Variants in OSBP2 observed in about 807,000 individuals in gnomAD.
OSBP2 encodes oxysterol binding protein 2.
In OSBP2, 66 loss-of-function variants were observed where a neutral mutation model predicts 96.0. The observed-to-expected ratio is 0.69, with a 90% confidence interval of 0.56 to 0.84. OSBP2 has a LOEUF of 0.84. Ranked by LOEUF, OSBP2 falls within the 40% of genes least tolerant of loss-of-function variation. The pLI is 0.00. For missense variants in OSBP2, 1,038 were observed against 1,222.7 expected (o/e 0.85, Z 2.25); for synonymous variants, 525 against 520.9 (o/e 1.01, Z -0.11).
chr22:30,717,425 A>T (rs1228500529), intron 1 of OSBP2, among the ~76,000 whole-genome samples: 1 of 152,072 alleles, frequency 6.6e-6, no homozygotes, highest in African/African-American at 2.4e-5. Flanking sequence ...ACAGGGAAAA[A>T]ATCAAGGCCT....
At chr22:30,901,315 T>C (rs2040189068) in intron 12 of OSBP2, among the ~76,000 whole-genome samples, 1 of 152,098 alleles carries the variant, frequency 6.6e-6, no homozygotes. Flanking sequence ...GTGATCTGCC[T>C]GCCTCTGCCT....
At chr22:30,698,629 G>C (rs543480620) in intron 1 of OSBP2, among the ~76,000 whole-genome samples, 1 of 151,832 alleles carries the variant, frequency 6.6e-6, no homozygotes, top group Admixed American at 6.6e-5. Context: ...TAGTAGAGAC[G>C]GGGTTTCACC....
intron 2 of OSBP2, among the ~76,000 whole-genome samples, chr22:30,771,887 A>T (rs2090350754): frequency 6.6e-6 from 1 of 152,200 alleles, no homozygotes; most frequent in Admixed American, 6.6e-5. Flanking sequence ...GCTTGGAGCC[A>T]GCTCTCCTTC....
intron 2 of OSBP2, among the ~76,000 whole-genome samples, chr22:30,745,286 G>A (rs976910579): frequency 6.6e-6 from 1 of 151,962 alleles, no homozygotes; most frequent in African/African-American, 2.4e-5. Context: ...AATCTGAAAT[G>A]AAAAACCAAA....
intron 1 of OSBP2, among the ~76,000 whole-genome samples, chr22:30,696,973 A>G (rs1410313343): frequency 1.3e-5 from 2 of 152,046 alleles, no homozygotes; most frequent in East Asian, 1.9e-4. Context: ...TGTCTTACAA[A>G]TGAGGAGTTC....
In OSBP2 at chr22:30,730,756, CTCTCTCTCTCTCTCTCTCTATA is replaced by C. The variant is rs1352567090; in HGVS notation, c.645-10403_645-10382del. ...TCTCTCTCTCTCTCTCTCTCTCTCTCTCTCTCTCTCTCTCTCTCTATATATATATATATATATATATATATAT... is the reference window on the plus strand; with the variant it reads ...TCTCTCTCTCTCTCTCTCTCTCTCTCTATATATATATATATATATATATAT... On this transcript the variant is annotated intron_variant, in intron 1 of 13. Coordinates refer to ENST00000332585, the MANE Select transcript of OSBP2 (RefSeq NM_030758.4). 2.2e-4 allele frequency among the ~76,000 whole-genome samples: 10 copies of C among 44,896 alleles called. No homozygotes were observed. The South Asian group carries it at 4.4e-3, about 20-fold the overall frequency. 29.5% of individuals were successfully genotyped at this position (44,896 alleles called of 152,430 possible). A position where few individuals can be genotyped will look rare whatever the true frequency, so the allele number is the denominator to read the frequency against.
At position 30,701,422 on chromosome 22, in the gene OSBP2, CA is replaced by C. The variant is rs1423309610; in HGVS notation, c.644+5871del. The stretch of plus-strand genomic sequence containing the variant: ...GCAGTGACATGATCTCGACTCACTG[CA>C]AGCTCCGCCTCCCAGGTTCATGCTA... On this transcript the variant is annotated intron_variant, in intron 1 of 13. Transcript: ENST00000332585. 1.4e-4 allele frequency among the ~76,000 whole-genome samples: 21 copies of C among 148,438 alleles called. No homozygotes were observed. The South Asian group carries it at 4.4e-3, about 31-fold the overall frequency.
chr22:30,790,637 A>G (rs1375823198), intron 2 of OSBP2, among the ~76,000 whole-genome samples: 1 of 147,356 alleles, frequency 6.8e-6, no homozygotes, highest in Non-Finnish European at 1.5e-5. Flanking sequence ...ACCTGAAGAG[A>G]TATGTCAAAC....
intron 2 of OSBP2, among the ~76,000 whole-genome samples, chr22:30,855,779 G>T (rs185707673): frequency 6.6e-6 from 1 of 152,314 alleles, no homozygotes; most frequent in East Asian, 1.9e-4. Flanking sequence ...GGCCATTATT[G>T]AGTTAATCTG....
chr22:30,819,405 A>G (rs1202434679), intron 2 of OSBP2, among the ~76,000 whole-genome samples: 1 of 152,194 alleles, frequency 6.6e-6, no homozygotes, highest in East Asian at 1.9e-4. Context: ...GCATACGGTT[A>G]TATGAGGGAA....
In OSBP2 at chr22:30,694,895, G is replaced by T. The variant is rs1424944505; in HGVS notation, c.-15G>T. On this transcript the variant is annotated 5_prime_UTR_variant, in exon 1 of 14. Coordinates refer to ENST00000332585, the MANE Select transcript of OSBP2 (RefSeq NM_030758.4). ...CCCCACTGGCCGCTCGGCCGCGCGC[G>T]GGTCGGCCGGCTCTATGGGGAAAGC... 8 of 1,237,414 alleles carry T rather than the reference G, an allele frequency of 6.5e-6. No homozygotes were observed. The highest frequency in any genetic ancestry group is 4.2e-5 in the Admixed American group (1 of 23,698). 76.7% of individuals were successfully genotyped at this position (1,237,414 alleles called of 1,614,324 possible). A position where few individuals can be genotyped will look rare whatever the true frequency, so the allele number is the denominator to read the frequency against.
chr22:30,898,018 A>T (rs2040104484), intron 12 of OSBP2, among the ~76,000 whole-genome samples: 1 of 152,096 alleles, frequency 6.6e-6, no homozygotes, highest in Non-Finnish European at 1.5e-5. Flanking sequence ...CAAAGGAAAT[A>T]TATTGCCTTA....
At chr22:30,811,071 C>A (rs1209652883) in intron 2 of OSBP2, among the ~76,000 whole-genome samples, 1 of 152,036 alleles carries the variant, frequency 6.6e-6, no homozygotes, top group Non-Finnish European at 1.5e-5. Flanking sequence ...CCCCATCTCA[C>A]TCATCTCCCT....
chr22:30,885,673 G>A (rs1217869509), intron 3 of OSBP2, among the ~76,000 whole-genome samples: 1 of 152,230 alleles, frequency 6.6e-6, no homozygotes, highest in African/African-American at 2.4e-5. Context: ...GCCAGGGACT[G>A]GCCCAGGGTA....
chr22:30,818,073 G>T (rs915861922), intron 2 of OSBP2, among the ~76,000 whole-genome samples: 1 of 152,076 alleles, frequency 6.6e-6, no homozygotes, highest in Non-Finnish European at 1.5e-5. Flanking sequence ...TTTTTAAAAT[G>T]TTTTTACAAA....
intron 2 of OSBP2, among the ~76,000 whole-genome samples, chr22:30,815,316 C>T (rs1001863375): frequency 6.6e-5 from 10 of 152,222 alleles, no homozygotes; most frequent in African/African-American, 2.4e-4. Flanking sequence ...CCTCTTTGGG[C>T]TCCACTACCC....
At chr22:30,862,898 G>A (rs908879845) in intron 2 of OSBP2, among the ~76,000 whole-genome samples, 2 of 151,758 alleles carry the variant, frequency 1.3e-5, no homozygotes, top group Non-Finnish European at 2.9e-5. Context: ...GCTTGAACCT[G>A]GTAGGCGGAG....
rs970065811 is a variant in OSBP2 at position 30,871,264 on chromosome 22, C to A, written c.1107+582C>A. 2.6e-5 allele frequency among the ~76,000 whole-genome samples: 4 copies of A among 152,148 alleles called. No homozygotes were observed. Among genetic ancestry groups the A allele is most frequent in the African/African-American group, 9.7e-5 (4 of 41,436 alleles). On this transcript the variant is annotated intron_variant, in intron 3 of 13. Coordinates refer to ENST00000332585, the MANE Select transcript of OSBP2 (RefSeq NM_030758.4). The surrounding 1 kb of genome is among the most constrained non-coding windows in gnomAD (Gnocchi z 4.7). ...TAAGCAGCCCCGCCACAGGAGTCAG[C>A]CGCTCACCCTGGCTCTGGAAGCCAC...
chr22:30,888,266 AG>A lies in OSBP2; in HGVS notation c.1345del (p.Asp449IlefsTer17). The stretch of plus-strand genomic sequence containing the variant: ...AAGGAGAGGACAGTGAGGAAGATGA[AG>A]ATACCGAGTACTTTGATGCCATGGA... ...PKGEDSEEDEDTEYFDAMEDS... is the reference protein window; with the variant it reads ...PKGEDSEEDEXTEYFDAMEDS... On this transcript the variant is annotated frameshift_variant, in exon 5 of 14. Transcript: ENST00000332585. LOFTEE classifies it high-confidence loss of function. 1 of 1,613,714 alleles carries A rather than the reference AG, an allele frequency of 6.2e-7. No homozygotes were observed. The highest frequency in any genetic ancestry group is 8.5e-7 in the Non-Finnish European group (1 of 1,179,646).
Sources: allele counts gnomAD v4.1 joint callset (sites outside exome capture counted in the v4.1 genomes callset), GRCh38; gene constraint gnomAD v4.1.1; non-coding constraint Gnocchi (gnomAD v3.1); transcripts MANE v1.5; gene names NCBI Gene and HGNC (gene_info 2026-07-23, HGNC 2026-07-21).